The following UCHL5 variants were observed in gnomAD, a reference collection of about 807,000 sequenced individuals.
UCHL5 encodes the protein ubiquitin C-terminal hydrolase L5, also known as ubiquitin carboxyl-terminal hydrolase isozyme L5.
In UCHL5, 34 loss-of-function variants were observed where a neutral mutation model predicts 53.8. The observed-to-expected ratio is 0.63, with a 90% CI of 0.48 to 0.84. UCHL5 has a LOEUF of 0.84. Ranked by LOEUF, UCHL5 falls within the 40% of genes least tolerant of loss-of-function variation. UCHL5 has a pLI of 0.00. For missense variants in UCHL5, 290 were observed against 385.6 expected (o/e 0.75, Z 2.08); for synonymous variants, 111 against 126.3 (o/e 0.88, Z 0.81).
intron 3 of UCHL5, among the ~76,000 whole-genome samples, chr1:193,040,281 A>C (rs541445673): frequency 8.0e-4 from 122 of 152,350 alleles, no homozygotes; most frequent in Non-Finnish European, 1.5e-3. Context: ...ATATATAAGA[A>C]GCTCAAGCAA....
rs1654536748 is a variant in UCHL5 at position 193,014,001 on chromosome 1, T to G, written c.*2350A>C. 1 of 152,132 alleles carries G rather than the reference T, an allele frequency of 6.6e-6. No homozygotes were observed. The highest frequency in any genetic ancestry group is 2.4e-5 in the African/African-American group (1 of 41,434). The allele number at this position is 152,132 out of a possible 1,614,324, so 9.4% of individuals were successfully genotyped here. ...GTACATCCCTTAGAATTGGCTATTT[T>G]GAAGGCTTAAAATAGAATGGAAGCG... On this transcript the variant is annotated 3_prime_UTR_variant, in exon 11 of 11. Coordinates refer to ENST00000367454, the MANE Select transcript of UCHL5 (RefSeq NM_001199261.3).
At chr1:193,021,466 T>C (rs916054344) in intron 9 of UCHL5, among the ~76,000 whole-genome samples, 1 of 152,206 alleles carries the variant, frequency 6.6e-6, no homozygotes, top group African/African-American at 2.4e-5. Flanking sequence ...ATGTCATTTA[T>C]AAAAACAACT....
chr1:193,056,213 T>A (rs186787954), intron 1 of UCHL5, among the ~76,000 whole-genome samples: 1 of 152,222 alleles, frequency 6.6e-6, no homozygotes, highest in African/African-American at 2.4e-5. Flanking sequence ...ATTTTAGTGA[T>A]GTCACCTCTC....
rs1398938765 is a variant in UCHL5, at chr1:193,018,792, T to A, written c.942+2305A>T. The A allele has an allele frequency of 3.9e-6, 6 of 1,556,336 alleles. 1 individual carries two copies. The South Asian group carries it at 7.1e-5, about 18-fold the overall frequency. ...CCTGTTTGTTTCCTTCTATTCCTTCTCACACCTTGTTCTTTTATCCTATTT... is the reference window on the plus strand; with the variant it reads ...CCTGTTTGTTTCCTTCTATTCCTTCACACACCTTGTTCTTTTATCCTATTT... On this transcript the variant is annotated intron_variant, in intron 10 of 10. Transcript: ENST00000367454.
chr1:193,048,416 CATT>C (rs951150992), intron 3 of UCHL5, among the ~76,000 whole-genome samples: 6 of 152,122 alleles, frequency 3.9e-5, no homozygotes, highest in African/African-American at 1.4e-4. Context: ...ACTTAGAAGA[CATT>C]CATAAAACGG....
chr1:193,044,322 C>T (rs1666688018), intron 3 of UCHL5, among the ~76,000 whole-genome samples: 1 of 152,112 alleles, frequency 6.6e-6, no homozygotes. Flanking sequence ...TCATTCTTTC[C>T]TGAAAGACTG....
chr1:193,051,377 A>C (rs1305895381), intron 2 of UCHL5, among the ~76,000 whole-genome samples: 1 of 151,632 alleles, frequency 6.6e-6, no homozygotes. Context: ...AATATATATT[A>C]TCTATCAAAT....
chr1:193,059,585 G>A (rs1672178641), upstream of UCHL5: 1 of 1,477,634 alleles, frequency 6.8e-7, no homozygotes, highest in South Asian at 1.1e-5. The surrounding 1 kb of genome is among the most constrained non-coding windows in gnomAD (Gnocchi z 4.9). Context: ...CTCTGGGGCG[G>A]AGGCGGGGCA....
Position 193,049,774 on chromosome 1 carries a change from C to A in UCHL5, c.218G>T (p.Arg73Leu). The A allele has an allele frequency of 6.2e-7, 1 of 1,612,362 alleles. No homozygotes were observed. The highest frequency in any genetic ancestry group is 8.5e-7 in the Non-Finnish European group (1 of 1,178,940). Residue 73 changes from arginine (R) to leucine (L), a missense_variant, in exon 3 of 11, where the codon CGA becomes CTA. Transcript: ENST00000367454. Reference sequence around the variant, plus strand: ...CTTAGCAAAAAATATCGTGTCAAGTCGGGAGTCCTGAACCACAGAGCCTGC... The same window carrying A: ...CTTAGCAAAAAATATCGTGTCAAGTAGGGAGTCCTGAACCACAGAGCCTGC... ...EPAGSVVQDS[R>L]LDTIFFAKQV...
At chr1:193,025,996 T>C (rs1659060994) in intron 7 of UCHL5, among the ~76,000 whole-genome samples, 1 of 150,772 alleles carries the variant, frequency 6.6e-6, no homozygotes, top group Non-Finnish European at 1.5e-5. Context: ...CCCACACCAA[T>C]ATGCTCCATT....
intron 3 of UCHL5, among the ~76,000 whole-genome samples, chr1:193,045,536 G>A (rs1667076212): frequency 6.6e-6 from 1 of 152,182 alleles, no homozygotes; most frequent in South Asian, 2.1e-4. Context: ...CTACCACCAT[G>A]AGTAAAAGCT....
intron 1 of UCHL5, among the ~76,000 whole-genome samples, chr1:193,053,372 AGCCTCCT>A (rs1443300703): frequency 6.6e-6 from 1 of 152,238 alleles, no homozygotes; most frequent in East Asian, 1.9e-4. Context: ...AGTGCCTCAA[AGCCTCCT>A]GCACTGGTAG....
Position 193,059,119 on chromosome 1 carries a change from C to A in UCHL5, c.76+66G>T. ...CGGGGCGGCGGTGGCCGCAGGGAAC[C>A]ACTCCATGCCCAGCTTGGGCCTCCT... is the stretch of plus-strand genomic sequence containing the variant. On this transcript the variant is annotated intron_variant, in intron 1 of 10. Transcript: ENST00000367454. The surrounding 1 kb of genome is among the most constrained non-coding windows in gnomAD (Gnocchi z 4.9). The A allele has an allele frequency of 6.9e-7, 1 of 1,442,012 alleles. No homozygotes were observed. The highest frequency in any genetic ancestry group is 9.2e-7 in the Non-Finnish European group (1 of 1,087,666). 89.3% of individuals were successfully genotyped at this position (1,442,012 alleles called of 1,614,324 possible).
At position 193,029,540 on chromosome 1, in the gene UCHL5, C is replaced by T; in HGVS notation, c.364G>A (p.Asp122Asn). ...SEFKEFSQSFDAAMKGLALSN... is the reference protein window; with the variant it reads ...SEFKEFSQSFNAAMKGLALSN... The stretch of plus-strand genomic sequence containing the variant: ...AAGAAGATTGTACTCACAGCTGCAT[C>T]AAAACTTTGTGAAAATTCTTTAAAC... Residue 122 changes from aspartate to asparagine, a missense_variant, in exon 4 of 11, where the codon GAT becomes AAT. Coordinates refer to ENST00000367454, the MANE Select transcript of UCHL5 (RefSeq NM_001199261.3). 1 of 1,613,512 alleles carries T rather than the reference C, an allele frequency of 6.2e-7. No homozygotes were observed. The highest frequency in any genetic ancestry group is 8.5e-7 in the Non-Finnish European group (1 of 1,179,732).
intron 7 of UCHL5, among the ~76,000 whole-genome samples, chr1:193,024,741 CTA>C (rs1658507907): frequency 6.6e-6 from 1 of 151,782 alleles, no homozygotes; most frequent in South Asian, 2.1e-4. Context: ...ATTCATAACA[CTA>C]TGTAAATGGC....
intron 10 of UCHL5, chr1:193,020,332 G>A (rs1656491345): frequency 6.5e-7 from 1 of 1,546,418 alleles, no homozygotes. Context: ...TTAAGTTAAT[G>A]GTCCAAAATT....
At position 193,029,275 on chromosome 1, in the gene UCHL5, C is replaced by T. The variant is rs778745204; in HGVS notation, c.469G>A (p.Ala157Thr). ...QMFEFDTKTS[A>T]KEEDAFHFVS... ...AAGTGAAAAGCATCTTCTTCTTTTGCTGATGTCTTCGTATCAAATTCAAAC... is the reference window on the plus strand; with the variant it reads ...AAGTGAAAAGCATCTTCTTCTTTTGTTGATGTCTTCGTATCAAATTCAAAC... Residue 157 changes from alanine (A) to threonine (T), a missense_variant, in exon 6 of 11, where the codon GCA becomes ACA. Transcript: ENST00000367454. 6.2e-7 allele frequency: 1 copy of T among 1,613,760 alleles called. No individual in the cohort carries two copies. The highest frequency in any genetic ancestry group is 8.5e-7 in the Non-Finnish European group (1 of 1,179,806).
intron 9 of UCHL5, among the ~76,000 whole-genome samples, chr1:193,022,443 T>G (rs1429105470): frequency 6.6e-6 from 1 of 151,992 alleles, no homozygotes; most frequent in African/African-American, 2.4e-5. Context: ...GCAGATCACT[T>G]GAGGTCAGGA....
chr1:193,048,752 A>G (rs542678073), intron 3 of UCHL5, among the ~76,000 whole-genome samples: 40 of 152,366 alleles, frequency 2.6e-4, no homozygotes, highest in Middle Eastern at 6.8e-3. Flanking sequence ...CAGACATTTA[A>G]AAGATTTGCA....
Sources: allele counts gnomAD v4.1 joint callset (sites outside exome capture counted in the v4.1 genomes callset), GRCh38; gene constraint gnomAD v4.1.1; non-coding constraint Gnocchi (gnomAD v3.1); transcripts MANE v1.5; gene names NCBI Gene and HGNC (gene_info 2026-07-23, HGNC 2026-07-21).